The following UVRAG variants were observed in gnomAD, a reference collection of about 807,000 sequenced individuals.
The protein encoded by UVRAG is UV radiation resistance-associated gene protein.
In UVRAG, 19 loss-of-function variants were observed where a neutral mutation model predicts 78.0. The ratio of observed to expected loss-of-function variants is 0.24; its 90% CI spans 0.17 to 0.36. The LOEUF (loss-of-function observed/expected upper bound fraction) is 0.36. UVRAG is among the 10% of genes least tolerant of loss of function. The pLI, the probability that UVRAG is intolerant of heterozygous loss-of-function variation, is 1.00. For missense variants in UVRAG, 740 were observed against 853.8 expected, an observed-to-expected ratio of 0.87 and a Z score of 1.66; for synonymous variants, 323 against 324.6, an observed-to-expected ratio of 1.00 and a Z score of 0.05.
chr11:75,927,070 AT>A (rs534709272), intron 6 of UVRAG, among the ~76,000 whole-genome samples: 8,122 of 137,216 alleles, frequency 0.059, 221 homozygotes, highest in African/African-American at 0.099. Flanking sequence ...TGGCAAAGGC[AT>A]TTTTTTTTTT....
chr11:76,061,883 G>A (rs1477207559), intron 12 of UVRAG, among the ~76,000 whole-genome samples: 1 of 152,168 alleles, frequency 6.6e-6, no homozygotes, highest in Non-Finnish European at 1.5e-5. Context: ...TGGAGTTGGA[G>A]GAGATACTAT....
intron 7 of UVRAG, among the ~76,000 whole-genome samples, chr11:75,965,324 A>ATTT (rs59052485): frequency 0.029 from 4,376 of 151,996 alleles, 215 homozygotes; most frequent in African/African-American, 0.1. Flanking sequence ...TTATTTATTT[A>ATTT]ATTTTGAGAC....
At chr11:75,869,314 G>T (rs1012055459) in intron 3 of UVRAG, among the ~76,000 whole-genome samples, 2 of 152,230 alleles carry the variant, frequency 1.3e-5, no homozygotes, top group Non-Finnish European at 2.9e-5. Context: ...ATAAAGTTCT[G>T]TTGAGATTGT....
At chr11:75,880,359 T>A (rs953455189) in intron 4 of UVRAG, among the ~76,000 whole-genome samples, 2 of 152,250 alleles carry the variant, frequency 1.3e-5, no homozygotes, top group African/African-American at 4.8e-5. Context: ...TTACTGGATG[T>A]CCTCACCTAG....
intron 1 of UVRAG, chr11:75,837,730 T>A (rs1312864963): frequency 1.3e-5 from 2 of 152,216 alleles, no homozygotes; most frequent in African/African-American, 4.8e-5. Context: ...TGCTGTAGAT[T>A]CAAAGTATCA....
intron 4 of UVRAG, among the ~76,000 whole-genome samples, chr11:75,886,717 G>A (rs1947086290): frequency 1.3e-5 from 2 of 152,200 alleles, no homozygotes; most frequent in East Asian, 1.9e-4. Context: ...AGTCAGGGAA[G>A]TGTTCACAGG....
At chr11:75,846,169 A>T (rs1443865258) in intron 1 of UVRAG, among the ~76,000 whole-genome samples, 1 of 152,226 alleles carries the variant, frequency 6.6e-6, no homozygotes, top group Non-Finnish European at 1.5e-5. Context: ...TAGGATGTGA[A>T]GTACCACTAG....
chr11:76,107,160 C>T (rs766843211), intron 13 of UVRAG, among the ~76,000 whole-genome samples: 1 of 152,170 alleles, frequency 6.6e-6, no homozygotes, highest in Non-Finnish European at 1.5e-5. Context: ...GATTCCAAAG[C>T]AAAGGACCAT....
chr11:75,845,942 A>G (rs1053989139), intron 1 of UVRAG, among the ~76,000 whole-genome samples: 1 of 152,188 alleles, frequency 6.6e-6, no homozygotes, highest in Admixed American at 6.5e-5. Context: ...ATGTTATCTT[A>G]AAGAGTGATT....
chr11:76,019,733 A>C (rs989470406), intron 12 of UVRAG, among the ~76,000 whole-genome samples: 1 of 152,168 alleles, frequency 6.6e-6, no homozygotes, highest in African/African-American at 2.4e-5. Flanking sequence ...AGGGAGACAC[A>C]ATCACCCTCG....
chr11:75,823,074 G>A (rs1390106518), intron 1 of UVRAG, among the ~76,000 whole-genome samples: 3 of 152,122 alleles, frequency 2.0e-5, no homozygotes, highest in Admixed American at 6.6e-5. Flanking sequence ...TCTGGAACTG[G>A]GGTCAAAGAC....
intron 6 of UVRAG, among the ~76,000 whole-genome samples, chr11:75,951,252 A>G (rs1409560496): frequency 6.6e-6 from 1 of 151,812 alleles, no homozygotes; most frequent in Admixed American, 6.6e-5. Context: ...TTTCACTGCC[A>G]TTTGTTGACA....
At chr11:76,085,472 T>G (rs540657901) in intron 13 of UVRAG, among the ~76,000 whole-genome samples, 7 of 152,358 alleles carry the variant, frequency 4.6e-5, no homozygotes, top group Admixed American at 3.3e-4. Flanking sequence ...CAAATGTGAA[T>G]CAATTGTGTC....
intron 2 of UVRAG, among the ~76,000 whole-genome samples, chr11:75,852,428 C>G (rs1946174652): frequency 6.6e-6 from 1 of 151,958 alleles, no homozygotes; most frequent in Non-Finnish European, 1.5e-5. Flanking sequence ...GCATGGTTTT[C>G]TCTAATTCAG....
chr11:76,073,018 A>C (rs1389263939), intron 13 of UVRAG, among the ~76,000 whole-genome samples: 2 of 152,180 alleles, frequency 1.3e-5, no homozygotes, highest in Non-Finnish European at 1.5e-5. Flanking sequence ...GAACAAATCA[A>C]GGCAGAGGGA....
chr11:75,955,968 C>T (rs866536483), intron 6 of UVRAG, among the ~76,000 whole-genome samples: 136 of 152,342 alleles, frequency 8.9e-4, no homozygotes, highest in African/African-American at 3.1e-3. Flanking sequence ...GTCCCCACCA[C>T]TCTTTTGATT....
rs114529387 is a variant in UVRAG, at chr11:76,025,071, T to C, written c.1226+8091T>C. On this transcript the variant is annotated intron_variant, in intron 12 of 14. Coordinates refer to ENST00000356136, the MANE Select transcript of UVRAG (RefSeq NM_003369.4). ...AGAGAAAAAGACCGATTTCTTTTCT[T>C]TGTCTGGCCAGTTTGAAACACAGGC... 9.3e-3 allele frequency among the ~76,000 whole-genome samples: 1,418 copies of C among 152,312 alleles called. 18 individuals carry two copies. The highest frequency in any genetic ancestry group is 0.033 in the African/African-American group (1,363 of 41,566).
chr11:75,932,592 A>G (rs1489535449), intron 6 of UVRAG, among the ~76,000 whole-genome samples: 1 of 152,098 alleles, frequency 6.6e-6, no homozygotes, highest in Non-Finnish European at 1.5e-5. Flanking sequence ...CCCAGATGAT[A>G]TGATCTTATG....
chr11:75,877,077 C>G (rs1433146033), intron 3 of UVRAG, among the ~76,000 whole-genome samples: 1 of 151,450 alleles, frequency 6.6e-6, no homozygotes, highest in Non-Finnish European at 1.5e-5. Context: ...CTTCAAGCAT[C>G]TGTTTAACAA....
Sources: gnomAD v4.1 joint callset for allele counts (sites outside exome capture counted in the v4.1 genomes callset) on GRCh38, gnomAD v4.1.1 for gene constraint, MANE v1.5 for transcripts, NCBI Gene and HGNC (gene_info 2026-07-23, HGNC 2026-07-21) for gene names.